Variants in MYBPC2 observed in about 807,000 individuals in gnomAD.
MYBPC2 encodes myosin-binding protein C, fast-type.
Under a neutral mutation model 137.0 loss-of-function variants are expected in MYBPC2, and 122 were observed. The ratio of observed to expected loss-of-function variants is 0.89; its 90% confidence interval spans 0.77 to 1.03. MYBPC2 has a LOEUF of 1.03. MYBPC2 is among the 50% of genes least tolerant of loss of function. The pLI, the probability that MYBPC2 is intolerant of heterozygous loss-of-function variation, is 0.00. For synonymous variants in MYBPC2, 626 were observed against 612.3 expected (o/e 1.02, Z -0.33); for missense variants, 1,500 against 1,534.4 (o/e 0.98, Z 0.37).
At chr19:50,438,893 C>T (rs975812875) in intron 7 of MYBPC2, among the ~76,000 whole-genome samples, 20 of 151,960 alleles carry the variant, frequency 1.3e-4, no homozygotes, top group African/African-American at 4.4e-4. Flanking sequence ...AATTAAATAT[C>T]GGCAATCTCA....
intron 13 of MYBPC2, 73 bp downstream of exon 13, chr19:50,448,463 GT>G: frequency 6.6e-7 from 1 of 1,518,026 alleles, no homozygotes; most frequent in Non-Finnish European, 8.9e-7. Flanking sequence ...GTAACAAGCT[GT>G]CCCCCATTTA....
chr19:50,452,535 T>TCTATCTATCTAC (rs1568664692), intron 16 of MYBPC2, among the ~76,000 whole-genome samples: 1 of 151,704 alleles, frequency 6.6e-6, no homozygotes, highest in Non-Finnish European at 1.5e-5. Context: ...TATCTATCTA[T>TCTATCTATCTAC]CTATGTATCT....
chr19:50,458,816 C>T, intron 21 of MYBPC2, 62 bp downstream of exon 21: 1 of 1,600,396 alleles, frequency 6.2e-7, no homozygotes, highest in South Asian at 1.1e-5. Flanking sequence ...CCTGCCCTTT[C>T]CGTGTCGTCG....
At chr19:50,436,882 G>A (rs934442364) in intron 5 of MYBPC2, 148 bp downstream of exon 5, 27 of 696,786 alleles carry the variant, frequency 3.9e-5, no homozygotes, top group African/African-American at 3.4e-4. Flanking sequence ...TGGGGTCAGA[G>A]TATTCAAACT....
At position 50,459,111 on chromosome 19, in the gene MYBPC2, G is replaced by T. The variant is rs1276047072; in HGVS notation, c.2596G>T (p.Gly866Ter). ...ACCCCGCCCCGCCCTCTCCCCGCAG[G>T]GAAAGCCCCGGCCCCAGGTGGTGTG... ...EQLNLVVPFQGKPRPQVVWTK... is the reference protein window; with the variant it reads ...EQLNLVVPFQ Residue 866 changes from glycine to a stop codon, truncating the protein, a stop_gained and splice_region_variant, in exon 23 of 28, where the codon GGA becomes TGA. Transcript: ENST00000357701. LOFTEE classifies it high-confidence loss of function. 9 of 1,558,630 alleles carry T rather than the reference G, an allele frequency of 5.8e-6. No homozygotes were observed. The East Asian group carries it at 1.9e-4, about 33-fold the overall frequency.
rs373838053 is a variant in MYBPC2 at position 50,435,819 on chromosome 19, C to T, written c.153C>T (p.Thr51=). The T allele has an allele frequency of 2.5e-5, 40 of 1,610,804 alleles. No homozygotes were observed. Among genetic ancestry groups the T allele is most frequent in the African/African-American group, 1.5e-4 (11 of 74,986 alleles). ...AGTCCCCGACTGCAGAGGAGCCCAC[C>T]GGCGTTTTCCTGAAGAAGCCGGACT... The part of the protein sequence containing the change: ...EDQSPTAEEP[T]GVFLKKPDSV... The change falls in exon 3 of 28, where the codon ACC becomes ACT. Residue 51 remains threonine (T), a synonymous_variant. Transcript: ENST00000357701. This position sits in a 1 kb window ranked among gnomAD's most constrained non-coding sequence, Gnocchi z 4.8.
intron 26 of MYBPC2, among the ~76,000 whole-genome samples, chr19:50,463,379 A>G (rs2039987425): frequency 6.6e-6 from 1 of 152,126 alleles, no homozygotes; most frequent in Non-Finnish European, 1.5e-5. Context: ...CCATCTCTGT[A>G]TACTGTATTC....
chr19:50,448,083 C>A, intron 12 of MYBPC2, 142 bp from the exon 13 acceptor site: 1 of 993,234 alleles, frequency 1.0e-6, no homozygotes. Flanking sequence ...GGGAGCTTCC[C>A]GAGGCCAACG....
intron 11 of MYBPC2, among the ~76,000 whole-genome samples, chr19:50,444,107 A>G (rs1474545882): frequency 6.6e-6 from 1 of 151,986 alleles, no homozygotes; most frequent in African/African-American, 2.4e-5. Context: ...TGGTCCATCT[A>G]TCCAGGTATC....
In MYBPC2 at chr19:50,464,537, G is replaced by T; in HGVS notation, c.3415+5G>T. On this transcript the variant is annotated splice_donor_5th_base_variant and intron_variant, in intron 27 of 27. Coordinates refer to ENST00000357701, the MANE Select transcript of MYBPC2 (RefSeq NM_004533.4). ...AGTGCAAGCTGGAGGTCCGAGGTGA[G>T]GGCGTGGCCATCCCCAACACTGGCT... is the stretch of plus-strand genomic sequence containing the variant. 6.3e-7 allele frequency: 1 copy of T among 1,598,474 alleles called. No individual in the cohort carries two copies. The highest frequency in any genetic ancestry group is 1.1e-5 in the South Asian group (1 of 89,158).
chr19:50,464,412 T>C lies in MYBPC2; in HGVS notation c.3295T>C (p.Tyr1099His), dbSNP rs1360480197. The change falls in exon 27 of 28, where the codon TAC (tyrosine) becomes CAC (histidine). Residue 1099 changes from tyrosine (Y) to histidine (H), a missense_variant. By Grantham distance (83) the Tyr-to-His change is moderately conservative (BLOSUM62 2). Coordinates refer to ENST00000357701, the MANE Select transcript of MYBPC2 (RefSeq NM_004533.4). ...REDPKFLITN[Y>H]QGVLTLNIRR... ...AGATCCCAAGTTCCTGATAACCAAT[T>C]ACCAAGGAGTCCTGACGCTGAACAT... 4.3e-6 allele frequency: 7 copies of C among 1,611,492 alleles called. No individual in the cohort carries two copies. The highest frequency in any genetic ancestry group is 5.1e-6 in the Non-Finnish European group (6 of 1,179,024).
chr19:50,435,222 TA>T lies in MYBPC2; in HGVS notation c.83del (p.Lys28ArgfsTer28). The T allele has an allele frequency of 7.8e-7, 1 of 1,289,042 alleles. No individual in the cohort carries two copies. The highest frequency in any genetic ancestry group is 1.1e-6 in the Non-Finnish European group (1 of 892,232). 79.9% of individuals were successfully genotyped at this position (1,289,042 alleles called of 1,614,324 possible). A position where few individuals can be genotyped will look rare whatever the true frequency, so the allele number is the denominator to read the frequency against. Reference sequence around the variant, plus strand: ...AAGGAGCCCCCAAGGAGGCTCCCCCTAAGGAGGCTCCTGCAGAGGCCCCCAA... The same window carrying T: ...AAGGAGCCCCCAAGGAGGCTCCCCCTAGGAGGCTCCTGCAGAGGCCCCCAA... ...PKGAPKEAPP[K>X]EAPAEAPKEA... On this transcript the variant is annotated frameshift_variant, in exon 2 of 28. Coordinates refer to ENST00000357701, the MANE Select transcript of MYBPC2 (RefSeq NM_004533.4). LOFTEE classifies it high-confidence loss of function. The surrounding 1 kb of genome is among the most constrained non-coding windows in gnomAD (Gnocchi z 4.8).
chr19:50,433,050 A>C, intron 1 of MYBPC2, 78 bp downstream of exon 1: 2 of 1,473,476 alleles, frequency 1.4e-6, no homozygotes, highest in Non-Finnish European at 1.8e-6. Context: ...CTCTGTTTGT[A>C]GGGTTGGGAG....
At chr19:50,446,986 TAAA>T in intron 12 of MYBPC2, among the ~76,000 whole-genome samples, 1 of 130,030 alleles carries the variant, frequency 7.7e-6, no homozygotes. Flanking sequence ...GACTCCGTCT[TAAA>T]AAAAAAAAAA....
In MYBPC2 at chr19:50,460,128, G is replaced by T; in HGVS notation, c.2880G>T (p.Gly960=). 1.3e-6 allele frequency: 2 copies of T among 1,580,348 alleles called. No homozygotes were observed. Among genetic ancestry groups the T allele is most frequent in the Non-Finnish European group, 1.7e-6 (2 of 1,164,814 alleles). The part of the protein sequence containing the change: ...LVEWQAPKDD[G]NSEIMGYFVQ... ...AGTGGCAGGCCCCCAAAGATGATGGGAACAGTGAGATCATGGGGTATTTCG... is the reference window on the plus strand; with the variant it reads ...AGTGGCAGGCCCCCAAAGATGATGGTAACAGTGAGATCATGGGGTATTTCG... The change falls in exon 24 of 28, where the codon GGG becomes GGT. Residue 960 remains glycine, a synonymous_variant. Transcript: ENST00000357701.
In MYBPC2 at chr19:50,443,509, C is replaced by G. The variant is rs557897122; in HGVS notation, c.918C>G (p.Asn306Lys). The G allele has an allele frequency of 6.2e-7, 1 of 1,613,212 alleles. No individual in the cohort carries two copies. Among genetic ancestry groups the G allele is most frequent in the Non-Finnish European group, 8.5e-7 (1 of 1,179,642 alleles). Reference sequence around the variant, plus strand: ...TTTGAATCAGGTACGTGTTTGAGAACGTTGGTAAGAAGCGAATTCTTACCA... The same window carrying G: ...TTTGAATCAGGTACGTGTTTGAGAAGGTTGGTAAGAAGCGAATTCTTACCA... ...IKPSSKYVFENVGKKRILTIN... is the reference protein window; with the variant it reads ...IKPSSKYVFEKVGKKRILTIN... The change falls in exon 10 of 28, where the codon AAC becomes AAG. Residue 306 changes from asparagine (N) to lysine (K), a missense_variant. Physicochemically the swap from Asn to Lys is moderately conservative, Grantham distance 94 (BLOSUM62 0). Transcript: ENST00000357701.
intron 7 of MYBPC2, among the ~76,000 whole-genome samples, chr19:50,438,382 A>T (rs756089506): frequency 1.0e-3 from 153 of 152,108 alleles, no homozygotes; most frequent in Non-Finnish European, 1.8e-3. Flanking sequence ...TGCATGGTGG[A>T]GAGGTGGGAG....
chr19:50,437,470 C>T lies in MYBPC2; in HGVS notation c.464-3C>T, dbSNP rs753046281. Reference sequence around the variant, plus strand: ...CTTCCCTTCTCTCATCACCTCTCCCCAGCACCCCGTCAGGATGCCTCTGGG... The same window carrying T: ...CTTCCCTTCTCTCATCACCTCTCCCTAGCACCCCGTCAGGATGCCTCTGGG... On this transcript the variant is annotated splice_region_variant and splice_polypyrimidine_tract_variant and intron_variant, in intron 5 of 27. Transcript: ENST00000357701. 1.2e-5 allele frequency: 19 copies of T among 1,610,286 alleles called. No homozygotes were observed. The highest frequency in any genetic ancestry group is 1.6e-5 in the Non-Finnish European group (19 of 1,178,340).
intron 9 of MYBPC2, 34 bp from the exon 10 acceptor site, chr19:50,443,460 C>T (rs763834487): frequency 6.2e-7 from 1 of 1,607,196 alleles, no homozygotes; most frequent in Admixed American, 1.7e-5. Flanking sequence ...GTGGATGCTC[C>T]ACGCCCTGGT....
Sources: gnomAD v4.1 joint callset for allele counts (sites outside exome capture counted in the v4.1 genomes callset) on GRCh38, gnomAD v4.1.1 for gene constraint, Gnocchi (gnomAD v3.1) non-coding constraint, MANE v1.5 for transcripts, NCBI Gene and HGNC (gene_info 2026-07-23, HGNC 2026-07-21) for gene names.